PDK1: variants seen among roughly 807,000 people sequenced by gnomAD.
PDK1 encodes the protein [Pyruvate dehydrogenase (acetyl-transferring)] kinase isozyme 1, mitochondrial.
In PDK1, 39 loss-of-function variants were observed where a neutral mutation model predicts 54.2. That is an observed-to-expected ratio of 0.72 (90% CI 0.56 to 0.94). The LOEUF is 0.94. Among genes scored for constraint, PDK1 ranks in the 40% least tolerant of loss-of-function variants. The pLI, the probability that PDK1 is intolerant of heterozygous loss-of-function variation, is 0.00. For missense variants in PDK1, 552 were observed against 566.0 expected (o/e 0.98, Z 0.25); for synonymous variants, 221 against 207.1 (o/e 1.07, Z -0.58).
At chr2:172,712,674 G>A in the PDK1 span, among the ~76,000 whole-genome samples, 1 of 152,198 alleles carries the variant, frequency 6.6e-6, no homozygotes, top group South Asian at 2.1e-4. Context: ...GAACCACAGA[G>A]CCCCAAAGAG....
chr2:172,639,700 T>G, the PDK1 span, among the ~76,000 whole-genome samples: 1 of 152,090 alleles, frequency 6.6e-6, no homozygotes, highest in Non-Finnish European at 1.5e-5. Flanking sequence ...GTGTAACAGT[T>G]TTGAGAAATG....
At chr2:172,693,989 A>G in the PDK1 span, among the ~76,000 whole-genome samples, 1 of 152,190 alleles carries the variant, frequency 6.6e-6, no homozygotes, top group African/African-American at 2.4e-5. Context: ...AAACCTCCTC[A>G]TACCCTTTTG....
chr2:172,623,607 G>A, the PDK1 span, among the ~76,000 whole-genome samples: 190 of 152,232 alleles, frequency 1.2e-3, no homozygotes, highest in African/African-American at 4.1e-3. Flanking sequence ...ATTCCCACAG[G>A]GTTTGCTAGG....
chr2:172,610,756 G>A (rs1185933289), downstream of PDK1, among the ~76,000 whole-genome samples: 1 of 151,968 alleles, frequency 6.6e-6, no homozygotes, highest in Non-Finnish European at 1.5e-5. Context: ...GATTACAGGC[G>A]CCTGTCATCA....
chr2:172,636,385 C>G, the PDK1 span, among the ~76,000 whole-genome samples: 1 of 151,984 alleles, frequency 6.6e-6, no homozygotes, highest in Non-Finnish European at 1.5e-5. Flanking sequence ...GAGGAAGGTG[C>G]CAGGCTCTTT....
chr2:172,687,821 G>C, the PDK1 span, among the ~76,000 whole-genome samples: 1 of 152,162 alleles, frequency 6.6e-6, no homozygotes, highest in Non-Finnish European at 1.5e-5. Context: ...TCTTGCTAAT[G>C]GGAGTCAATT....
the PDK1 span, among the ~76,000 whole-genome samples, chr2:172,634,281 T>TATTATTATTATTATTATTATTATC: frequency 6.7e-6 from 1 of 148,756 alleles, no homozygotes; most frequent in Non-Finnish European, 1.5e-5. Context: ...TTATTATTAT[T>TATTATTATTATTATTATTATTATC]ATTATTTTGG....
At chr2:172,677,803 A>G in the PDK1 span, among the ~76,000 whole-genome samples, 5 of 152,262 alleles carry the variant, frequency 3.3e-5, no homozygotes, top group African/African-American at 7.2e-5. Context: ...TAATACTTAG[A>G]TGGTCAAAAT....
At chr2:172,563,556 G>T (rs1343978132) in intron 3 of PDK1, among the ~76,000 whole-genome samples, 2 of 152,152 alleles carry the variant, frequency 1.3e-5, no homozygotes, top group Admixed American at 6.5e-5. Context: ...TTCTTGGGCC[G>T]GGCACGGTGG....
At chr2:172,590,359 G>T (rs1690498031) in intron 9 of PDK1, among the ~76,000 whole-genome samples, 1 of 152,172 alleles carries the variant, frequency 6.6e-6, no homozygotes, top group Non-Finnish European at 1.5e-5. Flanking sequence ...CTCATGGTGA[G>T]TGTTACAGTT....
At chr2:172,697,163 C>T in the PDK1 span, among the ~76,000 whole-genome samples, 5 of 152,038 alleles carry the variant, frequency 3.3e-5, no homozygotes, top group Non-Finnish European at 4.4e-5. Context: ...CATTTGCTGC[C>T]TTAAGAAAAT....
At chr2:172,571,956 C>T (rs544551690) in intron 8 of PDK1, among the ~76,000 whole-genome samples, 10 of 151,264 alleles carry the variant, frequency 6.6e-5, no homozygotes, top group African/African-American at 1.7e-4. Context: ...CTCAGCCTCC[C>T]GAGTAGCTGG....
At chr2:172,613,462 CT>C (rs539980301), downstream of PDK1, among the ~76,000 whole-genome samples, 25 of 148,568 alleles carry the variant, frequency 1.7e-4, no homozygotes, top group Admixed American at 2.7e-4. Flanking sequence ...CTGCTAATTC[CT>C]TTTTTTTTTA....
chr2:172,556,305 T>A lies in PDK1; in HGVS notation c.155T>A (p.Phe52Tyr). ...VPGQVDFYAR[F>Y]SPSPLSMKQF... ...GGCCAGGTGGACTTCTACGCGCGCT[T>A]CTCGCCGTCCCCGCTCTCCATGAAG... Residue 52 changes from phenylalanine to tyrosine, a missense_variant, in exon 1 of 11, where the codon TTC (phenylalanine) becomes TAC (tyrosine). By Grantham distance (22) the Phe-to-Tyr change is conservative. Transcript: ENST00000282077. 1 of 1,507,434 alleles carries A rather than the reference T, an allele frequency of 6.6e-7. No homozygotes were observed. Among genetic ancestry groups the A allele is most frequent in the South Asian group, 1.3e-5 (1 of 78,644 alleles). The allele number at this position is 1,507,434 out of a possible 1,614,324, so 93.4% of individuals were successfully genotyped here.
At chr2:172,558,556 A>G (rs1688479517) in intron 1 of PDK1, 152 bp from the exon 2 acceptor site, 1 of 630,244 alleles carries the variant, frequency 1.6e-6, no homozygotes, top group Non-Finnish European at 2.7e-6. Context: ...TCCCACAGGC[A>G]GGTGTATCTT....
intron 3 of PDK1, 117 bp downstream of exon 3, chr2:172,562,408 C>T (rs1688702968): frequency 1.4e-6 from 1 of 697,288 alleles, no homozygotes; most frequent in Non-Finnish European, 2.6e-6. Context: ...CTGTAGCAGC[C>T]CATACAGGCA....
chr2:172,639,208 T>G, the PDK1 span, among the ~76,000 whole-genome samples: 1 of 152,144 alleles, frequency 6.6e-6, no homozygotes, highest in African/African-American at 2.4e-5. Context: ...TGGCAAATTT[T>G]TCCTGCTTTT....
chr2:172,669,571 A>C, the PDK1 span, among the ~76,000 whole-genome samples: 1 of 152,126 alleles, frequency 6.6e-6, no homozygotes, highest in East Asian at 1.9e-4. Flanking sequence ...CGGTGGTTTT[A>C]TTTTTAGTTT....
the PDK1 span, among the ~76,000 whole-genome samples, chr2:172,624,990 A>G: frequency 7.0e-6 from 1 of 143,790 alleles, no homozygotes; most frequent in Admixed American, 6.8e-5. Context: ...CTCCATCTCA[A>G]AAAAAAAAAA....
Sources: gnomAD v4.1 joint callset for allele counts (sites outside exome capture counted in the v4.1 genomes callset) on GRCh38, gnomAD v4.1.1 for gene constraint, MANE v1.5 for transcripts, NCBI Gene and HGNC (gene_info 2026-07-23, HGNC 2026-07-21) for gene names.